The following XXYLT1 variants were observed in gnomAD, a reference collection of about 807,000 sequenced individuals.
XXYLT1 encodes the protein xyloside xylosyltransferase 1.
In XXYLT1, 20 loss-of-function variants were observed where a neutral mutation model predicts 28.9. The observed-to-expected ratio is 0.69, with a 90% CI of 0.49 to 1.00. The LOEUF is 1.00. Among genes scored for constraint, XXYLT1 ranks in the 50% least tolerant of loss-of-function variants. XXYLT1 has a pLI of 0.00. For missense variants in XXYLT1, 542 were observed against 560.1 expected (o/e 0.97, Z 0.33); for synonymous variants, 257 against 253.8 (o/e 1.01, Z -0.12).
At chr3:195,140,758 G>GC (rs1474831371) in intron 3 of XXYLT1, among the ~76,000 whole-genome samples, 3 of 152,176 alleles carry the variant, frequency 2.0e-5, no homozygotes, top group Admixed American at 6.5e-5. Flanking sequence ...CACGAGAAGA[G>GC]CAAGAGGGAA....
chr3:195,136,547 T>G (rs1412608962), intron 3 of XXYLT1, among the ~76,000 whole-genome samples: 1 of 152,172 alleles, frequency 6.6e-6, no homozygotes, highest in Non-Finnish European at 1.5e-5. Flanking sequence ...GAACGCAACT[T>G]ACCGAAAACT....
In XXYLT1 at chr3:195,119,171, C is replaced by T. The variant is rs939834509; in HGVS notation, c.785+37278G>A. Among the ~76,000 whole-genome samples the T allele has an allele frequency of 2.1e-5, 3 of 140,608 alleles. No homozygotes were observed. The South Asian group carries it at 6.7e-4, about 31-fold the overall frequency. 92.2% of individuals were successfully genotyped at this position (140,608 alleles called of 152,430 possible). ...TGGTGGCACGCGCCTGTAATCCCAGCTACTCGGGAGGCTAGGGCAGGAGAA... is the reference window on the plus strand; with the variant it reads ...TGGTGGCACGCGCCTGTAATCCCAGTTACTCGGGAGGCTAGGGCAGGAGAA... On this transcript the variant is annotated intron_variant, in intron 3 of 3. Coordinates refer to ENST00000310380, the MANE Select transcript of XXYLT1 (RefSeq NM_152531.5).
At chr3:195,265,786 C>T (rs1725831698) in intron 1 of XXYLT1, among the ~76,000 whole-genome samples, 1 of 152,198 alleles carries the variant, frequency 6.6e-6, no homozygotes, top group African/African-American at 2.4e-5. Flanking sequence ...TCCTGGACCA[C>T]GAAGACAGCG....
rs1317712190 is a variant in XXYLT1, at chr3:195,143,809, TATATAG to T, written c.785+12634_785+12639del. On this transcript the variant is annotated intron_variant, in intron 3 of 3. Transcript: ENST00000310380. Reference sequence around the variant, plus strand: ...TTATATATATATATATAGATAGATATATATAGATATAGATATATATAGATATAGATA... The same window carrying T: ...TTATATATATATATATAGATAGATATATATAGATATATATAGATATAGATA... Among the ~76,000 whole-genome samples the T allele has an allele frequency of 5.2e-4, 53 of 101,092 alleles. 3 individuals are homozygous for T. Among genetic ancestry groups the T allele is most frequent in the South Asian group, 1.7e-3 (4 of 2,376 alleles). The allele number at this position is 101,092 out of a possible 152,430, so 66.3% of individuals were successfully genotyped here.
intron 3 of XXYLT1, among the ~76,000 whole-genome samples, chr3:195,101,742 C>T (rs549250956): frequency 4.9e-5 from 7 of 143,480 alleles, no homozygotes; most frequent in African/African-American, 1.8e-4. Context: ...AAAAGGACTG[C>T]TGGAGCCCAG....
chr3:195,112,603 A>G (rs977144699), intron 3 of XXYLT1, among the ~76,000 whole-genome samples: 3 of 95,334 alleles, frequency 3.1e-5, no homozygotes, highest in African/African-American at 5.5e-5. Flanking sequence ...ACACGCATGC[A>G]CACACACGCA....
At chr3:195,112,503 C>T (rs1206867024) in intron 3 of XXYLT1, among the ~76,000 whole-genome samples, 2 of 35,544 alleles carry the variant, frequency 5.6e-5, no homozygotes, top group Non-Finnish European at 1.0e-4. Flanking sequence ...CATGCACACA[C>T]CCACACACAC....
intron 1 of XXYLT1, among the ~76,000 whole-genome samples, chr3:195,230,896 T>C (rs1417655586): frequency 1.3e-5 from 2 of 152,156 alleles, no homozygotes; most frequent in African/African-American, 4.8e-5. Context: ...TTTTAGGATT[T>C]TTTTCCTATT....
rs927417728 is a variant in XXYLT1, at chr3:195,255,445, C to T, written c.504+15110G>A. On this transcript the variant is annotated intron_variant, in intron 1 of 3. Transcript: ENST00000310380. The surrounding 1 kb of genome is among the most constrained non-coding windows in gnomAD (Gnocchi z 4.5). The stretch of plus-strand genomic sequence containing the variant: ...CAATGGGTTGGAGGGAGCCATGACT[C>T]TGGGCCTGCAGCTGAGGAGGCTGCA... Among the ~76,000 whole-genome samples the T allele has an allele frequency of 2.0e-5, 3 of 151,126 alleles. No homozygotes were observed. Among genetic ancestry groups the T allele is most frequent in the African/African-American group, 7.2e-5 (3 of 41,422 alleles).
At position 195,195,849 on chromosome 3, in the gene XXYLT1, A is replaced by G. The variant is rs1225082651; in HGVS notation, c.652+30860T>C. 2.0e-5 allele frequency among the ~76,000 whole-genome samples: 3 copies of G among 152,188 alleles called. No individual in the cohort carries two copies. The highest frequency in any genetic ancestry group is 7.2e-5 in the African/African-American group (3 of 41,446). On this transcript the variant is annotated intron_variant, in intron 2 of 3. Coordinates refer to ENST00000310380, the MANE Select transcript of XXYLT1 (RefSeq NM_152531.5). The surrounding 1 kb of genome is among the most constrained non-coding windows in gnomAD (Gnocchi z 4.4). ...CATGGTCTAGACACAGTCCTGTTGCATTGAAGTATCCAATGAGCTCCAGTG... is the reference window on the plus strand; with the variant it reads ...CATGGTCTAGACACAGTCCTGTTGCGTTGAAGTATCCAATGAGCTCCAGTG...
chr3:195,248,910 ACT>A (rs1002220662), intron 1 of XXYLT1, among the ~76,000 whole-genome samples: 3 of 152,062 alleles, frequency 2.0e-5, no homozygotes, highest in Non-Finnish European at 2.9e-5. Context: ...ACAGAGTGAG[ACT>A]CTGTCTCAAA....
chr3:195,233,083 G>A (rs1175005214), intron 1 of XXYLT1, among the ~76,000 whole-genome samples: 1 of 152,018 alleles, frequency 6.6e-6, no homozygotes, highest in Non-Finnish European at 1.5e-5. Context: ...ATATATAACT[G>A]TTATATCCTT....
At chr3:195,082,016 G>T (rs181905529) in intron 3 of XXYLT1, among the ~76,000 whole-genome samples, 13 of 152,346 alleles carry the variant, frequency 8.5e-5, no homozygotes, top group Admixed American at 5.9e-4. Context: ...GAACTCCAAC[G>T]ATTGATGATG....
At chr3:195,215,805 C>T (rs1723546920) in intron 2 of XXYLT1, among the ~76,000 whole-genome samples, 1 of 152,188 alleles carries the variant, frequency 6.6e-6, no homozygotes, top group Non-Finnish European at 1.5e-5. Flanking sequence ...TTGAACTCAG[C>T]TCTGCACCAA....
intron 1 of XXYLT1, among the ~76,000 whole-genome samples, chr3:195,235,422 G>A (rs1333585508): frequency 1.3e-5 from 2 of 152,108 alleles, no homozygotes; most frequent in African/African-American, 4.8e-5. Flanking sequence ...CCTTCTCTGT[G>A]CTATCTTGAA....
intron 3 of XXYLT1, among the ~76,000 whole-genome samples, chr3:195,080,162 T>C (rs954037308): frequency 2.0e-5 from 3 of 151,840 alleles, no homozygotes; most frequent in African/African-American, 7.3e-5. Flanking sequence ...ACAGAGAAGG[T>C]GAGGCAGAAA....
chr3:195,212,856 G>A (rs1425817245), intron 2 of XXYLT1, among the ~76,000 whole-genome samples: 1 of 152,232 alleles, frequency 6.6e-6, no homozygotes, highest in East Asian at 1.9e-4. Flanking sequence ...GAGGGTTGAT[G>A]TTGAGAACCC....
At chr3:195,235,939 CATAGACATAGACATAGAG>C (rs776036235) in intron 1 of XXYLT1, among the ~76,000 whole-genome samples, 1 of 141,716 alleles carries the variant, frequency 7.1e-6, no homozygotes, top group African/African-American at 2.9e-5. Flanking sequence ...TAGACATAGA[CATAGACATAGACATAGAG>C]ATATACACCT....
At position 195,176,961 on chromosome 3, in the gene XXYLT1, T is replaced by TCC. The variant is rs10642594; in HGVS notation, c.653-20382_653-20381dup. Among the ~76,000 whole-genome samples, 7,561 of 151,770 alleles carry TCC rather than the reference T, an allele frequency of 0.05. 617 individuals are homozygous for TCC. Among genetic ancestry groups the TCC allele is most frequent in the African/African-American group, 0.17 (7,215 of 41,412 alleles). On this transcript the variant is annotated intron_variant, in intron 2 of 3. Transcript: ENST00000310380. This position sits in a 1 kb window ranked among gnomAD's most constrained non-coding sequence, Gnocchi z 4.9. Reference sequence around the variant, plus strand: ...CCCCGGCCTGCTGCCGCTGCTGACGTCCCCCCGCCACAGCAGGTCGGGGAC... The same window carrying TCC: ...CCCCGGCCTGCTGCCGCTGCTGACGTCCCCCCCCGCCACAGCAGGTCGGGGAC...
Sources: gnomAD v4.1 joint callset for allele counts (sites outside exome capture counted in the v4.1 genomes callset) on GRCh38, gnomAD v4.1.1 for gene constraint, Gnocchi (gnomAD v3.1) non-coding constraint, MANE v1.5 for transcripts, NCBI Gene and HGNC (gene_info 2026-07-23, HGNC 2026-07-21) for gene names.